The following MLLT3 variants were observed in gnomAD, a reference collection of about 807,000 sequenced individuals.
The protein encoded by MLLT3 is protein AF-9.
A neutral mutation model predicts 53.2 loss-of-function variants in MLLT3; 4 were observed. The ratio of observed to expected loss-of-function variants is 0.08; its 90% CI spans 0.04 to 0.17. The LOEUF (loss-of-function observed/expected upper bound fraction) is 0.17. MLLT3 is among the 10% of genes least tolerant of loss of function. The probability of loss-of-function intolerance (pLI) is 1.00; values close to 1 mark genes in which losing one functional copy is unlikely to be tolerated. For missense variants in MLLT3, 569 were observed against 684.0 expected, an observed-to-expected ratio of 0.83 and a Z score of 1.87; for synonymous variants, 283 against 230.6, an observed-to-expected ratio of 1.23 and a Z score of -2.06.
At chr9:20,411,833 C>A (rs1235973484) in intron 5 of MLLT3, 2 of 152,140 alleles carry the variant, frequency 1.3e-5, no homozygotes, top group Admixed American at 1.3e-4. Flanking sequence ...GGAAGACCAT[C>A]TGTGTTTCAT....
At chr9:20,542,228 G>A (rs1587048243) in intron 2 of MLLT3, among the ~76,000 whole-genome samples, 1 of 146,570 alleles carries the variant, frequency 6.8e-6, no homozygotes, top group Non-Finnish European at 1.5e-5. Context: ...CATGGTCAAT[G>A]AGCAGTAATA....
intron 2 of MLLT3, among the ~76,000 whole-genome samples, chr9:20,476,713 A>G (rs781510623): frequency 1.3e-5 from 2 of 152,176 alleles, no homozygotes; most frequent in Non-Finnish European, 2.9e-5. Flanking sequence ...TTACATTTGA[A>G]GACAGTATTT....
intron 4 of MLLT3, among the ~76,000 whole-genome samples, chr9:20,419,485 G>C (rs1822953596): frequency 6.7e-6 from 1 of 149,728 alleles, no homozygotes; most frequent in South Asian, 2.1e-4. Flanking sequence ...ATAAACTAAA[G>C]AGAGGGCTGA....
chr9:20,410,878 TA>T (rs1243713354), intron 5 of MLLT3, among the ~76,000 whole-genome samples: 7 of 152,216 alleles, frequency 4.6e-5, no homozygotes, highest in Admixed American at 2.0e-4. Flanking sequence ...CAGCCTTCCT[TA>T]TACTTCAAAT....
chr9:20,534,974 A>G (rs140694886), intron 2 of MLLT3, among the ~76,000 whole-genome samples: 53 of 152,358 alleles, frequency 3.5e-4, no homozygotes, highest in African/African-American at 1.1e-3. Context: ...TGAACTAATC[A>G]TGGTTTGCTC....
In MLLT3 at chr9:20,594,580, A is replaced by G. The variant is rs544422887; in HGVS notation, c.193+26074T>C. Among the ~76,000 whole-genome samples the G allele has an allele frequency of 5.9e-5, 9 of 152,316 alleles. No individual in the cohort carries two copies. The South Asian group carries it at 1.9e-3, about 32-fold the overall frequency. On this transcript the variant is annotated intron_variant, in intron 2 of 10. Coordinates refer to ENST00000380338, the MANE Select transcript of MLLT3 (RefSeq NM_004529.4). Reference sequence around the variant, plus strand: ...AATTACTGGGCTACATTCCCAGAAGATTAAGGCAGTCTTAGTCACAGGATA... The same window carrying G: ...AATTACTGGGCTACATTCCCAGAAGGTTAAGGCAGTCTTAGTCACAGGATA...
intron 2 of MLLT3, among the ~76,000 whole-genome samples, chr9:20,574,826 C>T (rs1340560980): frequency 6.6e-6 from 1 of 152,156 alleles, no homozygotes; most frequent in Non-Finnish European, 1.5e-5. Context: ...CATGTGATGC[C>T]GTTTGATAGC....
At chr9:20,607,398 G>C (rs756799242) in intron 2 of MLLT3, among the ~76,000 whole-genome samples, 5 of 151,972 alleles carry the variant, frequency 3.3e-5, no homozygotes, top group Non-Finnish European at 7.4e-5. Context: ...CCTGAAGAAG[G>C]GATTCCAGGC....
chr9:20,350,488 G>A (rs1170081263), intron 10 of MLLT3, among the ~76,000 whole-genome samples: 1 of 150,040 alleles, frequency 6.7e-6, no homozygotes, highest in East Asian at 2.0e-4. Flanking sequence ...CCAGCTACTT[G>A]GGAGGCTGAG....
chr9:20,622,142 C>CT (rs1312139045), intron 1 of MLLT3, 103 bp downstream of exon 1: 4 of 1,327,400 alleles, frequency 3.0e-6, no homozygotes, highest in East Asian at 4.9e-5. Context: ...CAACCTTTCT[C>CT]TAATTGGAAC....
intron 4 of MLLT3, among the ~76,000 whole-genome samples, chr9:20,438,756 C>T (rs974724341): frequency 6.6e-6 from 1 of 152,006 alleles, no homozygotes; most frequent in East Asian, 1.9e-4. Flanking sequence ...CAATGGTCAC[C>T]ATACGCATGG....
chr9:20,344,311 T>C lies in MLLT3; in HGVS notation c.*2132A>G, dbSNP rs1343510251. 1 of 200,598 alleles carries C rather than the reference T, an allele frequency of 5.0e-6. No homozygotes were observed. The highest frequency in any genetic ancestry group is 7.7e-5 in the East Asian group (1 of 12,914). 12.4% of individuals were successfully genotyped at this position (200,598 alleles called of 1,614,324 possible). On this transcript the variant is annotated 3_prime_UTR_variant, in exon 11 of 11. Transcript: ENST00000380338. ...CAAACTACATATATACGTTTCTAGT[T>C]AAACTACACAGATATATTAAATCAC...
chr9:20,549,610 C>T (rs1459171218), intron 2 of MLLT3, among the ~76,000 whole-genome samples: 3 of 152,236 alleles, frequency 2.0e-5, no homozygotes, highest in Middle Eastern at 3.4e-3. Context: ...GTCACACAGG[C>T]GACTGGCGGA....
At chr9:20,496,958 G>T (rs553948998) in intron 2 of MLLT3, among the ~76,000 whole-genome samples, 2 of 152,132 alleles carry the variant, frequency 1.3e-5, no homozygotes, top group South Asian at 4.2e-4. Context: ...CTTCCCTCTT[G>T]GACTTTCACT....
chr9:20,445,766 A>C (rs551256877), intron 4 of MLLT3, among the ~76,000 whole-genome samples: 1 of 152,314 alleles, frequency 6.6e-6, no homozygotes, highest in South Asian at 2.1e-4. Flanking sequence ...TTTTCCTTTT[A>C]AGGTAGAATA....
intron 4 of MLLT3, among the ~76,000 whole-genome samples, chr9:20,421,724 G>C (rs1246952933): frequency 3.9e-5 from 6 of 151,994 alleles, no homozygotes; most frequent in Non-Finnish European, 8.8e-5. Flanking sequence ...AAAATTTCTT[G>C]AATTAAAAAC....
At chr9:20,469,268 C>G (rs1285410526) in intron 2 of MLLT3, among the ~76,000 whole-genome samples, 3 of 151,992 alleles carry the variant, frequency 2.0e-5, no homozygotes, top group Admixed American at 2.0e-4. Context: ...ACAGAACATA[C>G]CTGGCAGCAT....
At chr9:20,366,334 T>C (rs1821450429) in intron 5 of MLLT3, among the ~76,000 whole-genome samples, 1 of 152,186 alleles carries the variant, frequency 6.6e-6, no homozygotes, top group Non-Finnish European at 1.5e-5. Flanking sequence ...CTGAGAATGA[T>C]GGTTTCCAGC....
chr9:20,385,364 GGA>G (rs1421801267), intron 5 of MLLT3, among the ~76,000 whole-genome samples: 1 of 152,066 alleles, frequency 6.6e-6, no homozygotes, highest in African/African-American at 2.4e-5. Flanking sequence ...ATTTACTTAA[GGA>G]GACTACTCTG....
Sources: gnomAD v4.1 joint callset for allele counts (sites outside exome capture counted in the v4.1 genomes callset) on GRCh38, gnomAD v4.1.1 for gene constraint, MANE v1.5 for transcripts, NCBI Gene and HGNC (gene_info 2026-07-23, HGNC 2026-07-21) for gene names.